Variants in SETDB1 observed in about 807,000 individuals in gnomAD.
SETDB1 encodes SET domain bifurcated histone lysine methyltransferase 1.
Under a neutral mutation model 137.4 loss-of-function variants are expected in SETDB1, and 31 were observed. The observed-to-expected ratio is 0.23, with a 90% CI of 0.17 to 0.30. The LOEUF (loss-of-function observed/expected upper bound fraction) is 0.30. Ranked by LOEUF, SETDB1 falls within the 10% of genes least tolerant of loss-of-function variation. The pLI is 1.00. For synonymous variants in SETDB1, 548 were observed against 579.9 expected (o/e 0.95, Z 0.79); for missense variants, 1,113 against 1,631.5 (o/e 0.68, Z 5.47).
chr1:150,935,595 A>G (rs1325332923), intron 3 of SETDB1, among the ~76,000 whole-genome samples: 1 of 152,062 alleles, frequency 6.6e-6, no homozygotes, highest in Non-Finnish European at 1.5e-5. Flanking sequence ...GGGTATCTAT[A>G]TATTCTAGTT....
chr1:150,947,820 G>A (rs895045676), intron 10 of SETDB1, among the ~76,000 whole-genome samples: 1 of 152,022 alleles, frequency 6.6e-6, no homozygotes. Context: ...TAATATTACT[G>A]TCATACTTTC....
At chr1:150,937,773 T>A (rs1198736161) in intron 3 of SETDB1, among the ~76,000 whole-genome samples, 1 of 152,194 alleles carries the variant, frequency 6.6e-6, no homozygotes, top group Non-Finnish European at 1.5e-5. Flanking sequence ...TGAGAACATT[T>A]GTTGATGTAA....
Position 150,943,996 on chromosome 1 carries a change from G to A in SETDB1, c.949+3G>A. ...ACTGTATCCCATTTGCCGGCCACGT[G>A]AGTGTTTCTCCCTTATTCCTTAGCT... On this transcript the variant is annotated splice_donor_region_variant and intron_variant, in intron 8 of 21. Coordinates refer to ENST00000692827, the MANE Select transcript of SETDB1 (RefSeq NM_001366418.1). The A allele has an allele frequency of 1.2e-6, 2 of 1,602,286 alleles. No homozygotes were observed. Among genetic ancestry groups the A allele is most frequent in the Non-Finnish European group, 1.7e-6 (2 of 1,169,304 alleles).
At chr1:150,926,820 T>G (rs776292347) in intron 1 of SETDB1, 14 of 533,396 alleles carry the variant, frequency 2.6e-5, no homozygotes, top group Non-Finnish European at 5.0e-5. Context: ...TACCCACGTT[T>G]TATTCCCAGG....
intron 14 of SETDB1, among the ~76,000 whole-genome samples, chr1:150,954,492 T>C (rs1032159584): frequency 6.6e-6 from 1 of 152,160 alleles, no homozygotes; most frequent in Admixed American, 6.5e-5. Flanking sequence ...GGATCTTTGT[T>C]TCTGAATTGA....
intron 7 of SETDB1, 114 bp downstream of exon 7, chr1:150,943,167 T>TAA: frequency 2.9e-6 from 2 of 699,538 alleles, no homozygotes; most frequent in Non-Finnish European, 5.0e-6. Flanking sequence ...CCCAGTGGAC[T>TAA]GAAACCCTTA....
At position 150,961,193 on chromosome 1, in the gene SETDB1, T is replaced by TA. The variant is rs1302743080; in HGVS notation, c.3132+4dup. The TA allele has an allele frequency of 6.2e-7, 1 of 1,612,194 alleles. No homozygotes were observed. Among genetic ancestry groups the TA allele is most frequent in the East Asian group, 2.2e-5 (1 of 44,868 alleles). On this transcript the variant is annotated splice_region_variant and intron_variant, in intron 16 of 21. Coordinates refer to ENST00000692827, the MANE Select transcript of SETDB1 (RefSeq NM_001366418.1). ...GACATCAAACAGGCCAAGAAAGAGG[T>TA]AAGCAGTGGCAGAACACTCTGAGAG...
intron 3 of SETDB1, among the ~76,000 whole-genome samples, chr1:150,931,260 T>TAAAAAAAAAA (rs1272248504): frequency 8.8e-5 from 3 of 33,970 alleles, no homozygotes; most frequent in South Asian, 1.5e-3. Context: ...ACTCTTGTCT[T>TAAAAAAAAAA]CAAAAAAAAA....
chr1:150,948,330 G>A (rs1174984793), intron 10 of SETDB1, among the ~76,000 whole-genome samples: 1 of 150,036 alleles, frequency 6.7e-6, no homozygotes, highest in Non-Finnish European at 1.5e-5. Flanking sequence ...GAGTGCAGTG[G>A]CACCATCTCA....
At chr1:150,938,500 T>C (rs587651654) in intron 3 of SETDB1, among the ~76,000 whole-genome samples, 21 of 152,174 alleles carry the variant, frequency 1.4e-4, no homozygotes, top group Non-Finnish European at 1.9e-4. Context: ...ATTACACTTA[T>C]TTTTTCTTGT....
At position 150,962,668 on chromosome 1, in the gene SETDB1, T is replaced by C. The variant is rs1221871516; in HGVS notation, c.3243T>C (p.Thr1081=). 1.2e-6 allele frequency: 2 copies of C among 1,613,988 alleles called. No homozygotes were observed. Among genetic ancestry groups the C allele is most frequent in the East Asian group, 2.2e-5 (1 of 44,882 alleles). ...GACTTCGCCGCCCACCTAGTAAGACTAGTATGCATCAAAGCCGAAGACTCA... is the reference window on the plus strand; with the variant it reads ...GACTTCGCCGCCCACCTAGTAAGACCAGTATGCATCAAAGCCGAAGACTCA... ...PEGLRRPPSK[T]SMHQSRRLMA... Residue 1081 remains threonine (T), a synonymous_variant, in exon 18 of 22, where the codon ACT becomes ACC. Transcript: ENST00000692827.
intron 3 of SETDB1, among the ~76,000 whole-genome samples, chr1:150,939,251 ATTTTTTTT>A (rs71580343): frequency 9.3e-6 from 1 of 107,190 alleles, no homozygotes; most frequent in Non-Finnish European, 1.8e-5. Flanking sequence ...TGCACCCAGC[ATTTTTTTT>A]TTTTTTTTTT....
chr1:150,953,398 C>T (rs1410022209), intron 14 of SETDB1, among the ~76,000 whole-genome samples: 1 of 151,442 alleles, frequency 6.6e-6, no homozygotes, highest in Non-Finnish European at 1.5e-5. Context: ...TGGTGGCGAG[C>T]ACCTGTAATC....
At chr1:150,950,315 G>A in intron 12 of SETDB1, 143 bp from the exon 13 acceptor site, 1 of 708,174 alleles carries the variant, frequency 1.4e-6, no homozygotes, top group Admixed American at 2.6e-5. Context: ...GGTAGGGCAA[G>A]GGAAGATCTT....
At chr1:150,929,001 C>T (rs587620475) in intron 2 of SETDB1, among the ~76,000 whole-genome samples, 2 of 152,206 alleles carry the variant, frequency 1.3e-5, no homozygotes, top group South Asian at 2.1e-4. Flanking sequence ...CATTGATGGA[C>T]ATTTGGGTTG....
intron 4 of SETDB1, among the ~76,000 whole-genome samples, chr1:150,940,523 G>A (rs112435767): frequency 1.3e-4 from 19 of 149,182 alleles, no homozygotes; most frequent in African/African-American, 3.2e-4. Context: ...AGCTGAGATC[G>A]CACCACCGCA....
In SETDB1 at chr1:150,961,139, C is replaced by T. The variant is rs755705389; in HGVS notation, c.3080C>T (p.Thr1027Ile). ...CGAATGGAGGCTGAGAAGGCCTCCACCTCAGGACTAGGCATCAAGGATGAG... is the reference window on the plus strand; with the variant it reads ...CGAATGGAGGCTGAGAAGGCCTCCATCTCAGGACTAGGCATCAAGGATGAG... ...GSRMEAEKAS[T>I]SGLGIKDEGD... Residue 1027 changes from threonine (T) to isoleucine (I), a missense_variant, in exon 16 of 22, where the codon ACC (threonine) becomes ATC (isoleucine). Transcript: ENST00000692827. 3.1e-6 allele frequency: 5 copies of T among 1,614,046 alleles called. No individual in the cohort carries two copies. Among genetic ancestry groups the T allele is most frequent in the Admixed American group, 1.7e-5 (1 of 60,018 alleles).
At position 150,950,537 on chromosome 1, in the gene SETDB1, A is replaced by G. The variant is rs756631703; in HGVS notation, c.1663A>G (p.Met555Val). 6.8e-6 allele frequency: 11 copies of G among 1,613,908 alleles called. No homozygotes were observed. The highest frequency in any genetic ancestry group is 8.5e-6 in the Non-Finnish European group (10 of 1,179,904). Residue 555 changes from methionine to valine, a missense_variant, in exon 13 of 22, where the codon ATG becomes GTG. Met to Val is a conservative substitution (Grantham distance 21). Transcript: ENST00000692827. ...APPAPPVFHG[M>V]LERAPAEPSY... ...TCCAGCACCCCCAGTCTTCCATGGC[A>G]TGCTGGAGCGGGCCCCAGCAGAGCC...
intron 14 of SETDB1, among the ~76,000 whole-genome samples, chr1:150,955,525 G>T (rs1248114349): frequency 6.6e-6 from 1 of 152,094 alleles, no homozygotes; most frequent in Non-Finnish European, 1.5e-5. Context: ...ACTTTTCTTT[G>T]TGTGGCTATC....
Sources: allele counts gnomAD v4.1 joint callset (sites outside exome capture counted in the v4.1 genomes callset), GRCh38; gene constraint gnomAD v4.1.1; transcripts MANE v1.5; gene names NCBI Gene and HGNC (gene_info 2026-07-23, HGNC 2026-07-21).